Variants in HGS observed in about 807,000 individuals in gnomAD.
HGS encodes hepatocyte growth factor-regulated tyrosine kinase substrate.
HGS carries 63 observed loss-of-function variants against 109.7 expected under a neutral mutation model. The observed-to-expected ratio is 0.57, with a 90% CI of 0.47 to 0.71. The LOEUF (loss-of-function observed/expected upper bound fraction) is 0.71, where lower values mean the gene tolerates loss of function less well. HGS is among the 30% of genes least tolerant of loss of function. The probability of loss-of-function intolerance (pLI) is 0.00; values close to 1 mark genes in which losing one functional copy is unlikely to be tolerated. For missense variants in HGS, 995 were observed against 1,068.3 expected (o/e 0.93, Z 0.96); for synonymous variants, 546 against 437.3 (o/e 1.25, Z -3.10).
At chr17:81,686,762 C>T (rs1269392558) in intron 3 of HGS, among the ~76,000 whole-genome samples, 1 of 151,968 alleles carries the variant, frequency 6.6e-6, no homozygotes, top group Non-Finnish European at 1.5e-5. Context: ...GGGCTGCTGT[C>T]CCACCGGGTT....
rs1322891264 is a variant in HGS at position 81,702,070 on chromosome 17, T to C, written c.*452T>C. ...CAGCTTCTCTGCTTCTCAGCTGCCA[T>C]CTCCAGTGCCCCAGAATGGTACAGC... On this transcript the variant is annotated 3_prime_UTR_variant, in exon 22 of 22. Coordinates refer to ENST00000329138, the MANE Select transcript of HGS (RefSeq NM_004712.5). 1 of 162,958 alleles carries C rather than the reference T, an allele frequency of 6.1e-6. No individual in the cohort carries two copies. Among genetic ancestry groups the C allele is most frequent in the East Asian group, 1.8e-4 (1 of 5,560 alleles). 10.1% of individuals were successfully genotyped at this position (162,958 alleles called of 1,614,324 possible).
At position 81,684,094 on chromosome 17, in the gene HGS, C is replaced by A; in HGVS notation, c.28C>A (p.Arg10Ser). 6.3e-7 allele frequency: 1 copy of A among 1,591,454 alleles called. No individual in the cohort carries two copies. The highest frequency in any genetic ancestry group is 8.5e-7 in the Non-Finnish European group (1 of 1,171,164). The part of the protein sequence containing the change: MGRGSGTFE[R>S]LLDKATSQLL... Reference sequence around the variant, plus strand: ...GGGGCGAGGCAGCGGCACCTTCGAGCGTCTCCTAGGTAACGCGTCCCCACC... The same window carrying A: ...GGGGCGAGGCAGCGGCACCTTCGAGAGTCTCCTAGGTAACGCGTCCCCACC... Residue 10 changes from arginine to serine, a missense_variant, in exon 1 of 22, where the codon CGT (arginine) becomes AGT (serine). Physicochemically the swap from Arg to Ser is moderately radical, Grantham distance 110. This residue lies in a region of HGS where 23 missense variants were observed against 25.4 expected (regional missense o/e 0.91). Coordinates refer to ENST00000329138, the MANE Select transcript of HGS (RefSeq NM_004712.5).
At chr17:81,700,659 C>T (rs1436745063) in intron 19 of HGS, 36 bp from the exon 20 acceptor site, 1 of 1,595,010 alleles carries the variant, frequency 6.3e-7, no homozygotes, top group Non-Finnish European at 8.6e-7. Flanking sequence ...GCCCCAGCCC[C>T]AGCCCCTTCT....
chr17:81,684,275 G>C, intron 1 of HGS, 172 bp downstream of exon 1: 1 of 512,764 alleles, frequency 2.0e-6, no homozygotes, highest in Non-Finnish European at 3.0e-6. Flanking sequence ...CCTCGGCGCG[G>C]CCGTGGGGTC....
At position 81,696,946 on chromosome 17, in the gene HGS, C is replaced by G. The variant is rs1321160613; in HGVS notation, c.1830C>G (p.Ser610Arg). 2 of 1,604,108 alleles carry G rather than the reference C, an allele frequency of 1.2e-6. No individual in the cohort carries two copies. The highest frequency in any genetic ancestry group is 1.1e-5 in the South Asian group (1 of 90,978). Residue 610 changes from serine (S) to arginine (R), a missense_variant, in exon 18 of 22, where the codon AGC becomes AGG. Physicochemically the swap from Ser to Arg is moderately radical, Grantham distance 110 (BLOSUM62 -1). Transcript: ENST00000329138. Reference sequence around the variant, plus strand: ...CCCCAATGCACGGCGTGTACATGAGCCAGCCGGCCCCTGCCGCTGGCCCCT... The same window carrying G: ...CCCCAATGCACGGCGTGTACATGAGGCAGCCGGCCCCTGCCGCTGGCCCCT... ...EGSPMHGVYM[S>R]QPAPAAGPYP...
chr17:81,692,349 G>GCC (rs2037077495), intron 8 of HGS: 1 of 152,188 alleles, frequency 6.6e-6, no homozygotes, highest in African/African-American at 2.4e-5. Flanking sequence ...TGGCCACCTG[G>GCC]CCCCCTGTTC....
rs2037154306 is a variant in HGS at position 81,696,648 on chromosome 17, G to C, written c.1608G>C (p.Leu536=). Residue 536 remains leucine (L), a synonymous_variant, in exon 17 of 22, where the codon CTG becomes CTC. Transcript: ENST00000329138. ...AGAGGCAGCTGGCCATCCAGCGCCT[G>C]CAGGAGCAGGAGAAGGAGCGGCAGA... ...EVQRQLAIQR[L]QEQEKERQMR... 1 of 1,611,786 alleles carries C rather than the reference G, an allele frequency of 6.2e-7. No individual in the cohort carries two copies. The highest frequency in any genetic ancestry group is 1.1e-5 in the South Asian group (1 of 91,052).
intron 21 of HGS, 81 bp from the exon 22 acceptor site, chr17:81,701,427 G>C (rs1478477393): frequency 1.1e-5 from 15 of 1,416,422 alleles, no homozygotes; most frequent in African/African-American, 1.4e-5. Flanking sequence ...TTGTGGGTCT[G>C]TGGCTCTGCT....
In HGS at chr17:81,686,866, C is replaced by A; in HGVS notation, c.199-137C>A. ...CGGGCCTGTCGAAGGGCTCTGCTGT[C>A]CCACCGGGTTCCCCACCGGCCACTG... is the stretch of plus-strand genomic sequence containing the variant. On this transcript the variant is annotated intron_variant, in intron 3 of 21. Transcript: ENST00000329138. 4 of 671,090 alleles carry A rather than the reference C, an allele frequency of 6.0e-6. No individual in the cohort carries two copies. The South Asian group carries it at 7.2e-5, about 12-fold the overall frequency. The allele number at this position is 671,090 out of a possible 1,614,324, so 41.6% of individuals were successfully genotyped here.
chr17:81,690,119 G>T, intron 5 of HGS, 63 bp from the exon 6 acceptor site: 1 of 1,550,818 alleles, frequency 6.4e-7, no homozygotes, highest in South Asian at 1.1e-5. Flanking sequence ...AGTGAGGAAG[G>T]GGCTCCCGGA....
rs756867773 is a variant in HGS at position 81,696,440 on chromosome 17, G to C, written c.1477G>C (p.Glu493Gln). 1 of 1,558,952 alleles carries C rather than the reference G, an allele frequency of 6.4e-7. No homozygotes were observed. Residue 493 changes from glutamate (E) to glutamine (Q), a missense_variant, in exon 16 of 22, where the codon GAG (glutamate) becomes CAG (glutamine). Coordinates refer to ENST00000329138, the MANE Select transcript of HGS (RefSeq NM_004712.5). Reference protein sequence around the residue: ...ALSALREEHREKLRRAAEEAE... With the variant: ...ALSALREEHRQKLRRAAEEAE... ...GAGTGCCCTGCGCGAAGAGCACCGGGAGAAGCTTCGCCGGGCAGCCGAGGA... is the reference window on the plus strand; with the variant it reads ...GAGTGCCCTGCGCGAAGAGCACCGGCAGAAGCTTCGCCGGGCAGCCGAGGA...
chr17:81,697,660 C>T (rs908906398), intron 18 of HGS: 1 of 152,212 alleles, frequency 6.6e-6, no homozygotes, highest in Admixed American at 6.5e-5. Flanking sequence ...CCCTGGGACT[C>T]CTCAAGGTCT....
At position 81,700,497 on chromosome 17, in the gene HGS, C is replaced by A; in HGVS notation, c.1913C>A (p.Pro638Gln). 1 of 1,602,548 alleles carries A rather than the reference C, an allele frequency of 6.2e-7. No homozygotes were observed. The highest frequency in any genetic ancestry group is 8.5e-7 in the Non-Finnish European group (1 of 1,174,032). The change falls in exon 19 of 22, where the codon CCA becomes CAA. Residue 638 changes from proline (P) to glutamine (Q), a missense_variant. Physicochemically the swap from Pro to Gln is moderately conservative, Grantham distance 76. Around this residue, in one of 6 missense-constraint regions of HGS, gnomAD observed 326 missense variants for 309.7 expected, o/e 1.05. Transcript: ENST00000329138. Reference sequence around the variant, plus strand: ...AGCATGGTGAGTGCCTACATGTACCCAGCAGGGGCCACTGGGGCGCAGGCG... The same window carrying A: ...AGCATGGTGAGTGCCTACATGTACCAAGCAGGGGCCACTGGGGCGCAGGCG... ...DPSMVSAYMYPAGATGAQAAP... is the reference protein window; with the variant it reads ...DPSMVSAYMYQAGATGAQAAP...
chr17:81,686,926 G>A, intron 3 of HGS, 77 bp from the exon 4 acceptor site: 1 of 1,168,410 alleles, frequency 8.6e-7, no homozygotes, highest in Non-Finnish European at 1.3e-6. Flanking sequence ...GTCCCACAGG[G>A]AGGTGGGTCT....
chr17:81,694,027 G>A (rs1174691611), intron 11 of HGS, 62 bp downstream of exon 11: 13 of 1,418,126 alleles, frequency 9.2e-6, no homozygotes, highest in Admixed American at 2.1e-5. Context: ...TGGGGGACGC[G>A]GGTCCCTGAG....
chr17:81,700,369 A>G (rs1389832544), intron 18 of HGS, 98 bp from the exon 19 acceptor site: 1 of 535,754 alleles, frequency 1.9e-6, no homozygotes, highest in Admixed American at 5.2e-5. Flanking sequence ...CTCCATCTCA[A>G]AAAAAAAAAA....
intron 18 of HGS, chr17:81,697,349 G>GCCCCC (rs59387473): frequency 1.1e-3 from 65 of 61,808 alleles, no homozygotes; most frequent in African/African-American, 2.7e-3. Context: ...CGTGGCATTT[G>GCCCCC]CCCCCCCCCC....
chr17:81,695,863 C>T lies in HGS; in HGVS notation c.1257C>T (p.Phe419=), dbSNP rs773933193. 18 of 1,613,426 alleles carry T rather than the reference C, an allele frequency of 1.1e-5. No individual in the cohort carries two copies. Among genetic ancestry groups the T allele is most frequent in the East Asian group, 4.5e-5 (2 of 44,894 alleles). Residue 419 remains phenylalanine (F), a synonymous_variant, in exon 15 of 22, where the codon TTC becomes TTT. Transcript: ENST00000329138. ...CGCTGCAGAACGCCGTCACCACCTT[C>T]GTGAACCGCATGAAGAGTAACCACA... ...LKALQNAVTT[F]VNRMKSNHMR...
rs2037139648 is a variant in HGS at position 81,695,924 on chromosome 17, C to T, written c.1318C>T (p.Leu440Phe). The change falls in exon 15 of 22, where the codon CTC (leucine) becomes TTC (phenylalanine). Residue 440 changes from leucine to phenylalanine, a missense_variant. Leu to Phe is a conservative substitution (Grantham distance 22, BLOSUM62 0). Coordinates refer to ENST00000329138, the MANE Select transcript of HGS (RefSeq NM_004712.5). ...GRSITNDSAV[L>F]SLFQSINGMH... ...CAGCATCACCAATGACTCGGCCGTG[C>T]TCTCACTCTTCCAGTCCATCAACGG... 1.2e-6 allele frequency: 2 copies of T among 1,603,464 alleles called. No individual in the cohort carries two copies. The highest frequency in any genetic ancestry group is 8.5e-7 in the Non-Finnish European group (1 of 1,173,596).
Sources: allele counts gnomAD v4.1 joint callset (sites outside exome capture counted in the v4.1 genomes callset), GRCh38; gene constraint gnomAD v4.1.1; regional missense constraint gnomAD v4.1.1; transcripts MANE v1.5; gene names NCBI Gene and HGNC (gene_info 2026-07-23, HGNC 2026-07-21).